SORT1: variants seen among roughly 807,000 people sequenced by gnomAD.
SORT1 encodes the protein sortilin.
Under a neutral mutation model 101.7 loss-of-function variants are expected in SORT1, and 39 were observed. That is an observed-to-expected ratio of 0.38 (90% confidence interval 0.30 to 0.50). SORT1 has a LOEUF of 0.50. SORT1 is among the 20% of genes least tolerant of loss of function. The probability of loss-of-function intolerance (pLI) is 0.90; values close to 1 mark genes in which losing one functional copy is unlikely to be tolerated. For missense variants in SORT1, 878 were observed against 1,040.4 expected, an observed-to-expected ratio of 0.84 and a Z score of 2.15; for synonymous variants, 396 against 393.7, an observed-to-expected ratio of 1.01 and a Z score of -0.07.
intron 17 of SORT1, 30 bp downstream of exon 17, chr1:109,316,820 T>C: frequency 7.4e-7 from 1 of 1,348,796 alleles, no homozygotes; most frequent in Non-Finnish European, 1.0e-6. Flanking sequence ...ATCCCATTTG[T>C]ACCTGAAAAC....
intron 16 of SORT1, 151 bp from the exon 17 acceptor site, chr1:109,317,109 T>C (rs1293233804): frequency 6.7e-6 from 4 of 597,738 alleles, no homozygotes; most frequent in Non-Finnish European, 1.2e-5. Flanking sequence ...CAGGGATGTT[T>C]TGGGGGATAT....
intron 15 of SORT1, 27 bp downstream of exon 15, chr1:109,322,905 A>G (rs2101541002): frequency 6.3e-7 from 1 of 1,576,284 alleles, no homozygotes; most frequent in Non-Finnish European, 8.7e-7. Flanking sequence ...GGAAAGGGAG[A>G]CAGAGAAATC....
chr1:109,352,005 T>TGTAC (rs1650001521), intron 5 of SORT1, among the ~76,000 whole-genome samples: 1 of 134,052 alleles, frequency 7.5e-6, no homozygotes, highest in African/African-American at 2.7e-5. Context: ...TGTGTGTGTG[T>TGTAC]ACGCACGTGC....
intron 3 of SORT1, among the ~76,000 whole-genome samples, chr1:109,365,073 G>A (rs914718689): frequency 2.0e-5 from 3 of 152,178 alleles, no homozygotes; most frequent in Non-Finnish European, 4.4e-5. Context: ...CATCAAAGGG[G>A]AAGGTCAAGA....
rs372072578 is a variant in SORT1, at chr1:109,354,448, T to C, written c.627A>G (p.Gln209=). The stretch of plus-strand genomic sequence containing the variant: ...TGAGAGGATGAAAAGGGAGATCTGT[T>C]TGCACAAAATTCTTCGCAAAATCTG... The part of the protein sequence containing the change: ...RSSDFAKNFV[Q]TDLPFHPLTQ... Residue 209 remains glutamine (Q), a synonymous_variant, in exon 5 of 20, where the codon CAA becomes CAG. Coordinates refer to ENST00000256637, the MANE Select transcript of SORT1 (RefSeq NM_002959.7). 5.8e-5 allele frequency: 93 copies of C among 1,613,246 alleles called. No individual in the cohort carries two copies. The highest frequency in any genetic ancestry group is 7.8e-5 in the Non-Finnish European group (92 of 1,179,326).
intron 2 of SORT1, 35 bp from the exon 3 acceptor site, chr1:109,367,516 AG>A (rs1357570350): frequency 1.5e-6 from 2 of 1,321,048 alleles, no homozygotes; most frequent in Non-Finnish European, 2.2e-6. Context: ...TAAATAAAAA[AG>A]ATATTCCAAT....
At chr1:109,339,839 G>C (rs1649092087) in intron 10 of SORT1, among the ~76,000 whole-genome samples, 1 of 152,150 alleles carries the variant, frequency 6.6e-6, no homozygotes, top group Non-Finnish European at 1.5e-5. Flanking sequence ...AACAGCCTAA[G>C]TGTCCATCAA....
At chr1:109,356,315 G>C (rs576373370) in intron 3 of SORT1, among the ~76,000 whole-genome samples, 1 of 152,192 alleles carries the variant, frequency 6.6e-6, no homozygotes, top group Admixed American at 6.5e-5. Flanking sequence ...AATGTCAAGA[G>C]TACTAAGGTT....
intron 11 of SORT1, among the ~76,000 whole-genome samples, chr1:109,328,682 T>C (rs1273324658): frequency 1.3e-5 from 2 of 152,258 alleles, no homozygotes; most frequent in Non-Finnish European, 2.9e-5. Context: ...CCGTTTATTT[T>C]ATTTTTGCAT....
chr1:109,384,896 G>C (rs1402342274), intron 1 of SORT1, among the ~76,000 whole-genome samples: 1 of 152,074 alleles, frequency 6.6e-6, no homozygotes, highest in Non-Finnish European at 1.5e-5. Flanking sequence ...TGGGCAACAT[G>C]GTGAAACCCC....
intron 13 of SORT1, among the ~76,000 whole-genome samples, chr1:109,326,428 A>AATATATATATATATAT (rs1166570516): frequency 5.6e-5 from 4 of 70,906 alleles, no homozygotes; most frequent in African/African-American, 2.3e-4. Context: ...AGACAGAAAG[A>AATATATATATATATAT]ATATATATAT....
chr1:109,320,122 G>A (rs756189890), intron 15 of SORT1, among the ~76,000 whole-genome samples: 1 of 152,182 alleles, frequency 6.6e-6, no homozygotes, highest in African/African-American at 2.4e-5. Context: ...TTTGCCGGGG[G>A]CAGGGGGCAG....
intron 3 of SORT1, among the ~76,000 whole-genome samples, chr1:109,358,166 G>A (rs1325810623): frequency 6.6e-6 from 1 of 152,218 alleles, no homozygotes; most frequent in African/African-American, 2.4e-5. Flanking sequence ...TGGTACTTTA[G>A]TCAGTTAAAT....
rs374776315 is a variant in SORT1, at chr1:109,327,621, C to G, written c.1372-20G>C. 1.0e-5 allele frequency: 15 copies of G among 1,445,526 alleles called. No individual in the cohort carries two copies. The African/African-American group carries it at 2.1e-4, about 21-fold the overall frequency. 89.5% of individuals were successfully genotyped at this position (1,445,526 alleles called of 1,614,324 possible). ...GCTGCACTGTGAAAAGAAACAAAAG[C>G]GTAGATTAGAACCAAAGATAAAGAT... On this transcript the variant is annotated intron_variant, in intron 11 of 19. Transcript: ENST00000256637.
At chr1:109,331,120 A>C (rs138945289) in intron 11 of SORT1, among the ~76,000 whole-genome samples, 1 of 152,312 alleles carries the variant, frequency 6.6e-6, no homozygotes, top group Non-Finnish European at 1.5e-5. Flanking sequence ...TCATTTTATA[A>C]GGGTGGTATT....
intron 5 of SORT1, 82 bp from the exon 6 acceptor site, chr1:109,351,084 A>G: frequency 2.1e-6 from 2 of 945,364 alleles, no homozygotes; most frequent in Admixed American, 3.4e-5. Context: ...TTCATATCCA[A>G]TCATTCAGGA....
At chr1:109,322,893 AG>A in intron 15 of SORT1, 38 bp downstream of exon 15, 1 of 1,537,402 alleles carries the variant, frequency 6.5e-7, no homozygotes, top group Non-Finnish European at 8.9e-7. Context: ...CTCCTCCAAC[AG>A]GGAAAGGGAG....
chr1:109,340,592 A>T (rs1268139805), intron 10 of SORT1, 132 bp downstream of exon 10: 1 of 910,670 alleles, frequency 1.1e-6, no homozygotes, highest in Non-Finnish European at 1.7e-6. Flanking sequence ...AAAAAAAAGG[A>T]AACAAAAAAA....
At chr1:109,347,383 A>G (rs1368333542) in intron 7 of SORT1, 100 bp downstream of exon 7, 2 of 759,582 alleles carry the variant, frequency 2.6e-6, no homozygotes, top group Non-Finnish European at 4.5e-6. Flanking sequence ...CAATTTCAGG[A>G]GAATGGAGGG....
Sources: gnomAD v4.1 joint callset for allele counts (sites outside exome capture counted in the v4.1 genomes callset) on GRCh38, gnomAD v4.1.1 for gene constraint, MANE v1.5 for transcripts, NCBI Gene and HGNC (gene_info 2026-07-23, HGNC 2026-07-21) for gene names.